Variants in CRISPLD2 observed in about 807,000 individuals in gnomAD.
CRISPLD2 encodes cysteine rich secretory protein LCCL domain containing 2.
Under a neutral mutation model 71.1 loss-of-function variants are expected in CRISPLD2, and 47 were observed. The ratio of observed to expected loss-of-function variants is 0.66; its 90% confidence interval spans 0.52 to 0.84. The LOEUF (loss-of-function observed/expected upper bound fraction) is 0.84. Among genes scored for constraint, CRISPLD2 ranks in the 40% least tolerant of loss-of-function variants. The pLI, the probability that CRISPLD2 is intolerant of heterozygous loss-of-function variation, is 0.00. For synonymous variants in CRISPLD2, 317 were observed against 250.1 expected (o/e 1.27, Z -2.52); for missense variants, 830 against 651.1 (o/e 1.27, Z -2.99).
intron 14 of CRISPLD2, among the ~76,000 whole-genome samples, chr16:84,897,289 C>CAAA (rs369389521): frequency 0.019 from 1,863 of 100,630 alleles, 28 homozygotes; most frequent in South Asian, 0.029. Flanking sequence ...ACTAAAAATA[C>CAAA]AAAAAAAAAA....
At chr16:84,825,353 A>G (rs1916326664) in intron 1 of CRISPLD2, among the ~76,000 whole-genome samples, 1 of 152,184 alleles carries the variant, frequency 6.6e-6, no homozygotes, top group Admixed American at 6.5e-5. Context: ...GCCTGAGCCC[A>G]GGAGTTCGAG....
In CRISPLD2 at chr16:84,908,748, G is replaced by C. The variant is rs1279000258; in HGVS notation, c.*2106G>C. ...CTGTTGCCCAAGGTAGAGTGCAGTG[G>C]CGTGATCTCTGCTCATTGCAACTGC... On this transcript the variant is annotated 3_prime_UTR_variant, in exon 15 of 15. Transcript: ENST00000262424. 7.0e-6 allele frequency: 1 copy of C among 143,798 alleles called. No individual in the cohort carries two copies. Among genetic ancestry groups the C allele is most frequent in the Non-Finnish European group, 1.5e-5 (1 of 66,812 alleles). The allele number at this position is 143,798 out of a possible 1,614,324, so 8.9% of individuals were successfully genotyped here.
chr16:84,830,469 C>T (rs1010073645), intron 1 of CRISPLD2, among the ~76,000 whole-genome samples: 20 of 152,060 alleles, frequency 1.3e-4, no homozygotes, highest in Admixed American at 2.0e-4. Context: ...TTTGGGAGGC[C>T]GAGGCGGGTG....
intron 14 of CRISPLD2, among the ~76,000 whole-genome samples, chr16:84,899,026 G>A (rs2143378706): frequency 6.6e-6 from 1 of 152,220 alleles, no homozygotes; most frequent in Middle Eastern, 3.4e-3. Flanking sequence ...CCTAGTTGCT[G>A]GGACCACAGG....
chr16:84,875,149 G>T (rs2071506621), intron 11 of CRISPLD2, among the ~76,000 whole-genome samples: 1 of 152,110 alleles, frequency 6.6e-6, no homozygotes, highest in African/African-American at 2.4e-5. Context: ...TCTGAGATGG[G>T]AGGGTTGCTT....
chr16:84,837,842 C>G (rs1255505355), intron 1 of CRISPLD2, among the ~76,000 whole-genome samples: 3 of 152,166 alleles, frequency 2.0e-5, no homozygotes, highest in Admixed American at 1.3e-4. Flanking sequence ...TCTGAGGGAA[C>G]AAAAGGCTGA....
intron 1 of CRISPLD2, among the ~76,000 whole-genome samples, chr16:84,825,412 A>C (rs1916327923): frequency 6.6e-6 from 1 of 152,044 alleles, no homozygotes; most frequent in African/African-American, 2.4e-5. Context: ...AAAATTTAAA[A>C]ATTAGCTGGT....
At chr16:84,844,033 G>A (rs1450760698) in intron 2 of CRISPLD2, among the ~76,000 whole-genome samples, 1 of 152,260 alleles carries the variant, frequency 6.6e-6, no homozygotes, top group Non-Finnish European at 1.5e-5. Flanking sequence ...TGGGTGTGCA[G>A]AGGGCAGGAG....
chr16:84,882,820 TG>T (rs2071580400), intron 13 of CRISPLD2, among the ~76,000 whole-genome samples: 2 of 152,372 alleles, frequency 1.3e-5, no homozygotes, highest in South Asian at 2.1e-4. Context: ...CATAGTAACC[TG>T]TCCAAATCCA....
At chr16:84,855,656 T>C (rs551660813) in intron 6 of CRISPLD2, among the ~76,000 whole-genome samples, 1 of 152,316 alleles carries the variant, frequency 6.6e-6, no homozygotes, top group East Asian at 1.9e-4. Flanking sequence ...CTTTGCATCC[T>C]TCACTCCAAT....
intron 13 of CRISPLD2, among the ~76,000 whole-genome samples, chr16:84,881,731 C>T (rs894138880): frequency 8.5e-5 from 13 of 152,098 alleles, no homozygotes; most frequent in African/African-American, 3.1e-4. Context: ...CCTCCTTGGC[C>T]TCCCAAAGTG....
intron 6 of CRISPLD2, among the ~76,000 whole-genome samples, chr16:84,862,446 G>T (rs1917410705): frequency 1.3e-5 from 2 of 152,014 alleles, no homozygotes; most frequent in Non-Finnish European, 2.9e-5. Flanking sequence ...CTCCCTCCTT[G>T]GCCTCCCAAA....
At chr16:84,901,966 GT>G (rs1221473309) in intron 14 of CRISPLD2, among the ~76,000 whole-genome samples, 1 of 151,168 alleles carries the variant, frequency 6.6e-6, no homozygotes, top group South Asian at 2.1e-4. Flanking sequence ...GCTAATTTTT[GT>G]TTTTGTATTT....
At chr16:84,820,266 G>A (rs547216648) in intron 1 of CRISPLD2, 133 bp downstream of exon 1, 2 of 152,208 alleles carry the variant, frequency 1.3e-5, no homozygotes, top group South Asian at 4.2e-4. Flanking sequence ...CTTGCATAGC[G>A]GAACACAGCT....
At chr16:84,903,150 G>T (rs2071770316) in intron 14 of CRISPLD2, among the ~76,000 whole-genome samples, 1 of 152,038 alleles carries the variant, frequency 6.6e-6, no homozygotes, top group Non-Finnish European at 1.5e-5. Flanking sequence ...TGGTCTGTTG[G>T]GCCTAGCCCA....
At chr16:84,850,817 A>G in intron 5 of CRISPLD2, 134 bp downstream of exon 5, 3 of 689,548 alleles carry the variant, frequency 4.4e-6, no homozygotes, top group Non-Finnish European at 7.7e-6. Flanking sequence ...AGTTTAGTGC[A>G]TCTGGGTTAG....
intron 1 of CRISPLD2, among the ~76,000 whole-genome samples, chr16:84,837,960 A>G (rs2096154712): frequency 6.6e-6 from 1 of 152,178 alleles, no homozygotes; most frequent in African/African-American, 2.4e-5. Context: ...GTCAACCACT[A>G]TTGGTAAACT....
intron 2 of CRISPLD2, chr16:84,839,381 C>G (rs1916712444): frequency 4.9e-6 from 1 of 204,396 alleles, no homozygotes; most frequent in Non-Finnish European, 1.0e-5. Context: ...CACACGCTAG[C>G]TGCACCACCC....
rs534527371 is a variant in CRISPLD2, at chr16:84,887,914, C to A, written c.1306-1316C>A. ...GATAAATAAATAAATAAATTGAAGT[C>A]ATCAGACTTAAGGGACTTAATAAAT... On this transcript the variant is annotated intron_variant, in intron 13 of 14. Transcript: ENST00000262424. Among the ~76,000 whole-genome samples the A allele has an allele frequency of 2.0e-5, 3 of 152,316 alleles. No individual in the cohort carries two copies. In the South Asian group the frequency reaches 6.2e-4, roughly 32 times the overall value.
Sources: gnomAD v4.1 joint callset for allele counts (sites outside exome capture counted in the v4.1 genomes callset) on GRCh38, gnomAD v4.1.1 for gene constraint, MANE v1.5 for transcripts, NCBI Gene and HGNC (gene_info 2026-07-23, HGNC 2026-07-21) for gene names.